The following SHISA9 variants were observed in gnomAD, a reference collection of about 807,000 sequenced individuals.
SHISA9 encodes the protein shisa family member 9, also known as protein shisa-9.
A neutral mutation model predicts 38.0 loss-of-function variants in SHISA9; 13 were observed. The ratio of observed to expected loss-of-function variants is 0.34; its 90% CI spans 0.22 to 0.54. The LOEUF (loss-of-function observed/expected upper bound fraction) is 0.54, where lower values mean the gene tolerates loss of function less well. Among genes scored for constraint, SHISA9 ranks in the 20% least tolerant of loss-of-function variants. The pLI is 0.91. For synonymous variants in SHISA9, 275 were observed against 242.0 expected (o/e 1.14, Z -1.27); for missense variants, 538 against 575.8 (o/e 0.93, Z 0.67).
chr16:13,197,039 C>G (rs2050950439), intron 2 of SHISA9, among the ~76,000 whole-genome samples: 1 of 151,912 alleles, frequency 6.6e-6, no homozygotes, highest in Non-Finnish European at 1.5e-5. Flanking sequence ...TTGCAGTGAG[C>G]TGAGATCATG....
Position 13,232,254 on chromosome 16 carries a change from T to C in SHISA9, c.896-2776T>C, listed in dbSNP as rs576453172. Among the ~76,000 whole-genome samples, 12 of 152,320 alleles carry C rather than the reference T, an allele frequency of 7.9e-5. No individual in the cohort carries two copies. The East Asian group carries it at 2.1e-3, about 27-fold the overall frequency. ...AAAAGTTTATTGCTAATGAATTAAT[T>C]TTAAAAGTGTAGATAATCTTATAAT... On this transcript the variant is annotated intron_variant, in intron 4 of 4. Transcript: ENST00000558583.
chr16:13,023,389 T>C (rs946282243), intron 2 of SHISA9, among the ~76,000 whole-genome samples: 2 of 152,242 alleles, frequency 1.3e-5, no homozygotes. Flanking sequence ...ATGGTGTATA[T>C]GTGCCACATT....
the SHISA9 span, among the ~76,000 whole-genome samples, chr16:13,401,831 C>T: frequency 1.2e-4 from 18 of 152,254 alleles, no homozygotes; most frequent in South Asian, 4.2e-4. Context: ...ATGGACTCAC[C>T]GTCCCGCATG....
chr16:13,304,565 G>A, the SHISA9 span, among the ~76,000 whole-genome samples: 1 of 152,178 alleles, frequency 6.6e-6, no homozygotes, highest in Non-Finnish European at 1.5e-5. Flanking sequence ...GCCAGAAGCT[G>A]CCTTTTAGAT....
chr16:12,976,545 G>A (rs561009455), intron 2 of SHISA9, among the ~76,000 whole-genome samples: 23 of 152,268 alleles, frequency 1.5e-4, no homozygotes, highest in African/African-American at 5.5e-4. Context: ...CAGAATCATG[G>A]GGATTTGGAA....
the SHISA9 span, among the ~76,000 whole-genome samples, chr16:13,469,419 A>AAGAAAG: frequency 8.9e-6 from 1 of 112,952 alleles, no homozygotes; most frequent in Admixed American, 7.9e-5. Flanking sequence ...GAAAGAAAGA[A>AAGAAAG]AGAAAAAGAA....
the SHISA9 span, among the ~76,000 whole-genome samples, chr16:13,445,014 A>ATATG: frequency 4.6e-5 from 2 of 43,690 alleles, no homozygotes; most frequent in Non-Finnish European, 8.5e-5. Context: ...ATATATATAT[A>ATATG]TATATATATA....
At chr16:13,534,175 A>C in the SHISA9 span, among the ~76,000 whole-genome samples, 1 of 150,038 alleles carries the variant, frequency 6.7e-6, no homozygotes, top group African/African-American at 2.5e-5. Context: ...ACAATGCCCC[A>C]CATTCAAGAG....
chr16:13,036,486 G>A (rs12931728), intron 2 of SHISA9, among the ~76,000 whole-genome samples: 19 of 152,230 alleles, frequency 1.2e-4, no homozygotes, highest in African/African-American at 4.1e-4. Flanking sequence ...GGGTTATTAA[G>A]GTGGGTGAGA....
At chr16:13,534,771 G>A in the SHISA9 span, among the ~76,000 whole-genome samples, 4 of 152,002 alleles carry the variant, frequency 2.6e-5, no homozygotes, top group South Asian at 2.1e-4. Flanking sequence ...ATGTTCCAAG[G>A]TGTAGTCGTT....
At chr16:13,357,802 T>G in the SHISA9 span, among the ~76,000 whole-genome samples, 5 of 121,384 alleles carry the variant, frequency 4.1e-5, no homozygotes, top group Admixed American at 1.7e-4. Flanking sequence ...TGGGCAGGAG[T>G]GGGGGTCGCA....
chr16:13,407,441 C>G, the SHISA9 span, among the ~76,000 whole-genome samples: 1 of 152,108 alleles, frequency 6.6e-6, no homozygotes, highest in Admixed American at 6.5e-5. Flanking sequence ...TTCTCATGAC[C>G]TAATAACCCC....
chr16:13,411,466 T>G, the SHISA9 span, among the ~76,000 whole-genome samples: 1 of 152,240 alleles, frequency 6.6e-6, no homozygotes, highest in Non-Finnish European at 1.5e-5. Context: ...CACAGGATAA[T>G]TATGACTTAA....
the SHISA9 span, among the ~76,000 whole-genome samples, chr16:13,266,257 T>C: frequency 6.6e-6 from 1 of 152,212 alleles, no homozygotes; most frequent in African/African-American, 2.4e-5. Context: ...GTTAGCTTTA[T>C]GCTGTATTTC....
At chr16:12,997,651 C>G (rs1292909156) in intron 2 of SHISA9, among the ~76,000 whole-genome samples, 1 of 151,974 alleles carries the variant, frequency 6.6e-6, no homozygotes, top group Non-Finnish European at 1.5e-5. Flanking sequence ...GGTGATCTGC[C>G]CACCTCAGCC....
chr16:13,429,770 T>A, the SHISA9 span, among the ~76,000 whole-genome samples: 59 of 152,310 alleles, frequency 3.9e-4, no homozygotes, highest in Middle Eastern at 6.8e-3. Context: ...CTTGGTTATT[T>A]ATGAATTAAG....
the SHISA9 span, among the ~76,000 whole-genome samples, chr16:13,505,269 G>A: frequency 6.6e-6 from 1 of 152,194 alleles, no homozygotes; most frequent in African/African-American, 2.4e-5. Flanking sequence ...GAAAGTCCAA[G>A]CAGTGCAAAG....
chr16:13,391,838 A>G, the SHISA9 span, among the ~76,000 whole-genome samples: 1 of 152,228 alleles, frequency 6.6e-6, no homozygotes, highest in Non-Finnish European at 1.5e-5. Flanking sequence ...CCTGTTGGGT[A>G]ATAACGGTGG....
chr16:13,492,877 C>T, the SHISA9 span, among the ~76,000 whole-genome samples: 1 of 152,150 alleles, frequency 6.6e-6, no homozygotes, highest in Non-Finnish European at 1.5e-5. Flanking sequence ...AAAGGAATAG[C>T]AGGTTCTGGG....
Sources: allele counts gnomAD v4.1 joint callset (sites outside exome capture counted in the v4.1 genomes callset), GRCh38; gene constraint gnomAD v4.1.1; transcripts MANE v1.5; gene names NCBI Gene and HGNC (gene_info 2026-07-23, HGNC 2026-07-21).